STARD13: variants seen among roughly 807,000 people sequenced by gnomAD.
The protein encoded by STARD13 is stAR-related lipid transfer protein 13.
STARD13 carries 62 observed loss-of-function variants against 106.4 expected under a neutral mutation model. That is an observed-to-expected ratio of 0.58 (90% confidence interval 0.48 to 0.72). The LOEUF is 0.72. Among genes scored for constraint, STARD13 ranks in the 30% least tolerant of loss-of-function variants. STARD13 has a pLI of 0.00. For synonymous variants in STARD13, 565 were observed against 553.0 expected (o/e 1.02, Z -0.31); for missense variants, 1,387 against 1,424.0 (o/e 0.97, Z 0.42).
At chr13:33,525,478 T>C in the STARD13 span, among the ~76,000 whole-genome samples, 4 of 152,106 alleles carry the variant, frequency 2.6e-5, no homozygotes, top group Non-Finnish European at 5.9e-5. Context: ...GAAGGTTAAC[T>C]ATGCAAATAA....
intron 8 of STARD13, among the ~76,000 whole-genome samples, chr13:33,115,257 A>G (rs1454932558): frequency 6.6e-6 from 1 of 152,230 alleles, no homozygotes; most frequent in East Asian, 1.9e-4. Flanking sequence ...GGAGAAATGG[A>G]GGAGGAACCG....
At chr13:33,530,672 T>A in the STARD13 span, among the ~76,000 whole-genome samples, 1 of 152,212 alleles carries the variant, frequency 6.6e-6, no homozygotes, top group Non-Finnish European at 1.5e-5. Flanking sequence ...TAGGTAGTGT[T>A]GTGTGCTTCC....
chr13:33,191,799 G>T (rs1364300284), intron 1 of STARD13, among the ~76,000 whole-genome samples: 4 of 152,168 alleles, frequency 2.6e-5, no homozygotes, highest in African/African-American at 7.2e-5. Context: ...TATTCTTAAA[G>T]GTAACATGTT....
chr13:33,133,244 C>G (rs901280800), intron 4 of STARD13, among the ~76,000 whole-genome samples: 18 of 152,070 alleles, frequency 1.2e-4, no homozygotes, highest in Admixed American at 8.5e-4. Flanking sequence ...GCACTGTGGC[C>G]TGGGAAGGGA....
At chr13:33,256,960 T>C (rs1890394880) in intron 1 of STARD13, among the ~76,000 whole-genome samples, 1 of 152,220 alleles carries the variant, frequency 6.6e-6, no homozygotes, top group Admixed American at 6.5e-5. Flanking sequence ...AGACTCACTA[T>C]ATACAGATAC....
chr13:33,177,879 G>A (rs1433622813), intron 1 of STARD13, among the ~76,000 whole-genome samples: 50 of 4,586 alleles, frequency 0.011, 2 homozygotes, highest in South Asian at 0.023. Context: ...GGAAGGAAAG[G>A]AAGGAAGGAA....
chr13:33,165,449 C>G, intron 2 of STARD13, 31 bp from the exon 3 acceptor site: 1 of 1,560,588 alleles, frequency 6.4e-7, no homozygotes, highest in Non-Finnish European at 8.8e-7. Flanking sequence ...AGTTGATGTA[C>G]TTTGTTTTAT....
chr13:33,558,840 T>C, the STARD13 span, among the ~76,000 whole-genome samples: 17 of 151,776 alleles, frequency 1.1e-4, 1 homozygote, highest in East Asian at 3.3e-3. Flanking sequence ...ACTGCTATTG[T>C]CATGCACAGA....
At chr13:33,107,196 C>T (rs183824781) in intron 12 of STARD13, among the ~76,000 whole-genome samples, 2 of 152,346 alleles carry the variant, frequency 1.3e-5, no homozygotes, top group African/African-American at 4.8e-5. Context: ...ATCCCCAGCT[C>T]TGCTTAGCTG....
the STARD13 span, among the ~76,000 whole-genome samples, chr13:33,570,308 A>G: frequency 6.8e-5 from 10 of 147,906 alleles, no homozygotes; most frequent in African/African-American, 2.5e-4. Context: ...TGATTTTTCT[A>G]TCCATTGTGT....
intron 1 of STARD13, among the ~76,000 whole-genome samples, chr13:33,244,389 A>G (rs1594158116): frequency 6.6e-6 from 1 of 151,970 alleles, no homozygotes; most frequent in East Asian, 1.9e-4. Flanking sequence ...CACTCCTTTC[A>G]CCACCTGTCA....
At chr13:33,373,154 A>C in the STARD13 span, among the ~76,000 whole-genome samples, 1 of 152,154 alleles carries the variant, frequency 6.6e-6, no homozygotes, top group African/African-American at 2.4e-5. Context: ...TAATATTCAG[A>C]GCCTCCCTGT....
At chr13:33,348,862 G>A (rs1390699213) in exon 2 of STARD13, 2 of 395,552 alleles carry the variant, frequency 5.1e-6, no homozygotes, top group Non-Finnish European at 9.5e-6. Flanking sequence ...CTGTGTTGGA[G>A]AGAAAATGTG....
Position 33,129,379 on chromosome 13 carries a change from A to G in STARD13, c.1298T>C (p.Leu433Pro). 6.2e-7 allele frequency: 1 copy of G among 1,614,174 alleles called. No individual in the cohort carries two copies. The highest frequency in any genetic ancestry group is 1.1e-5 in the South Asian group (1 of 91,082). The change falls in exon 5 of 14, where the codon CTG (leucine) becomes CCG (proline). Residue 433 changes from leucine to proline, a missense_variant. Transcript: ENST00000336934. ...GGCACCAGGGACCTGCTCTCTGCCC[A>G]GGGAGATGCTACCGGTCCTCCAATT... Reference protein sequence around the residue: ...GVNWRTGSISLGREQVPGARE... With the variant: ...GVNWRTGSISPGREQVPGARE...
At chr13:33,471,496 T>C in the STARD13 span, among the ~76,000 whole-genome samples, 1 of 152,216 alleles carries the variant, frequency 6.6e-6, no homozygotes, top group Non-Finnish European at 1.5e-5. Flanking sequence ...AAGGTTTACT[T>C]TCAGAATGGG....
chr13:33,432,500 AGTC>A, the STARD13 span, among the ~76,000 whole-genome samples: 1 of 152,184 alleles, frequency 6.6e-6, no homozygotes, highest in African/African-American at 2.4e-5. Context: ...GCCTATAAGA[AGTC>A]ATTTAAATCT....
upstream of STARD13, chr13:33,350,630 T>C: frequency 7.4e-7 from 1 of 1,356,804 alleles, no homozygotes; most frequent in Non-Finnish European, 9.5e-7. Context: ...GCTAGGTTAT[T>C]AACCTCTGCG....
the STARD13 span, among the ~76,000 whole-genome samples, chr13:33,491,105 AG>A: frequency 6.6e-6 from 1 of 152,114 alleles, no homozygotes; most frequent in Non-Finnish European, 1.5e-5. Context: ...TGCCAGTGGT[AG>A]ATGGGCAGGC....
At chr13:33,350,122 T>C (rs992317696) in intron 1 of STARD13, among the ~76,000 whole-genome samples, 1 of 151,876 alleles carries the variant, frequency 6.6e-6, no homozygotes, top group African/African-American at 2.4e-5. Context: ...GGGAGGGCGC[T>C]CGGGGCCCGG....
Sources: allele counts gnomAD v4.1 joint callset (sites outside exome capture counted in the v4.1 genomes callset), GRCh38; gene constraint gnomAD v4.1.1; transcripts MANE v1.5; gene names NCBI Gene and HGNC (gene_info 2026-07-23, HGNC 2026-07-21).